The following RALGPS1 variants were observed in gnomAD, a reference collection of about 807,000 sequenced individuals.
The protein encoded by RALGPS1 is Ral GEF with PH domain and SH3 binding motif 1, also known as ras-specific guanine nucleotide-releasing factor RalGPS1.
RALGPS1 carries 19 observed loss-of-function variants against 78.8 expected under a neutral mutation model. The observed-to-expected ratio is 0.24, with a 90% CI of 0.17 to 0.35. RALGPS1 has a LOEUF of 0.35. Among genes scored for constraint, RALGPS1 ranks in the 10% least tolerant of loss-of-function variants. The pLI is 1.00. For missense variants in RALGPS1, 454 were observed against 688.3 expected (o/e 0.66, Z 3.81); for synonymous variants, 228 against 256.3 (o/e 0.89, Z 1.06).
chr9:126,970,539 A>G (rs1271391356), intron 3 of RALGPS1, among the ~76,000 whole-genome samples: 1 of 152,184 alleles, frequency 6.6e-6, no homozygotes, highest in Non-Finnish European at 1.5e-5. Context: ...GATGCTGCGT[A>G]CCTAAGAAAT....
At chr9:126,945,110 G>A (rs1412013774) in intron 1 of RALGPS1, among the ~76,000 whole-genome samples, 1 of 152,092 alleles carries the variant, frequency 6.6e-6, no homozygotes, top group African/African-American at 2.4e-5. Flanking sequence ...GGTATGAGTG[G>A]GCCACTGTAC....
In RALGPS1 at chr9:127,222,967, C is replaced by T. The variant is rs1242407735; in HGVS notation, c.*4198C>T. On this transcript the variant is annotated 3_prime_UTR_variant, in exon 19 of 19. Transcript: ENST00000259351. ...TTTCTCTAATTCTTGTGAATCGTCT[C>T]ACCCGCAGTAACCACTGAACGTCAA... The T allele has an allele frequency of 6.6e-6, 1 of 152,656 alleles. No individual in the cohort carries two copies. Among genetic ancestry groups the T allele is most frequent in the African/African-American group, 2.4e-5 (1 of 41,454 alleles). The allele number at this position is 152,656 out of a possible 1,614,324, so 9.5% of individuals were successfully genotyped here.
intron 11 of RALGPS1, among the ~76,000 whole-genome samples, chr9:127,192,725 A>G (rs2061140976): frequency 6.6e-6 from 1 of 152,210 alleles, no homozygotes; most frequent in Admixed American, 6.5e-5. Flanking sequence ...AATCAAAGAA[A>G]AAACAGGAGC....
intron 8 of RALGPS1, among the ~76,000 whole-genome samples, chr9:127,125,153 G>C (rs1051739093): frequency 3.9e-5 from 6 of 152,206 alleles, no homozygotes; most frequent in Non-Finnish European, 8.8e-5. Context: ...TCACAGGGCT[G>C]TGGGCTGTTG....
chr9:126,940,168 A>G (rs2036625604), intron 1 of RALGPS1, among the ~76,000 whole-genome samples: 1 of 152,152 alleles, frequency 6.6e-6, no homozygotes, highest in African/African-American at 2.4e-5. Flanking sequence ...TACCATGTGC[A>G]AATAGCCTGG....
At chr9:127,100,968 C>G (rs1349495990) in intron 8 of RALGPS1, among the ~76,000 whole-genome samples, 1 of 152,186 alleles carries the variant, frequency 6.6e-6, no homozygotes, top group Non-Finnish European at 1.5e-5. Context: ...GGTATGCATT[C>G]TTTTTCTGAA....
intron 5 of RALGPS1, among the ~76,000 whole-genome samples, chr9:127,043,523 G>A (rs1366983978): frequency 1.3e-5 from 2 of 152,004 alleles, no homozygotes; most frequent in Non-Finnish European, 2.9e-5. Flanking sequence ...AAACGTAGAA[G>A]AAAACCTGTA....
intron 11 of RALGPS1, among the ~76,000 whole-genome samples, chr9:127,179,466 C>T (rs2060082742): frequency 6.6e-6 from 1 of 152,156 alleles, no homozygotes; most frequent in South Asian, 2.1e-4. Flanking sequence ...TCTTGCAGTC[C>T]CGGGAATGGG....
At chr9:127,104,539 A>G (rs2054036678) in intron 8 of RALGPS1, among the ~76,000 whole-genome samples, 1 of 152,252 alleles carries the variant, frequency 6.6e-6, no homozygotes, top group Non-Finnish European at 1.5e-5. Flanking sequence ...GGGTCTGGCC[A>G]GACCTGAGAG....
intron 8 of RALGPS1, among the ~76,000 whole-genome samples, chr9:127,090,003 GA>G (rs2052273098): frequency 6.6e-6 from 1 of 152,242 alleles, no homozygotes. Context: ...GAGGCCGTGG[GA>G]TGAGGTGAGG....
chr9:126,941,130 G>GC (rs11434207), intron 1 of RALGPS1, among the ~76,000 whole-genome samples: 69,579 of 150,144 alleles, frequency 0.46, 16,674 homozygotes, highest in African/African-American at 0.56. Context: ...TCTCATATAC[G>GC]CCCCCCCCCT....
chr9:127,124,645 G>A (rs934578579), intron 8 of RALGPS1, among the ~76,000 whole-genome samples: 6 of 152,244 alleles, frequency 3.9e-5, no homozygotes, highest in Non-Finnish European at 7.3e-5. Context: ...CAGTTGGAGG[G>A]AGCCCTTTAG....
At chr9:127,143,907 C>G (rs1369374769) in intron 8 of RALGPS1, among the ~76,000 whole-genome samples, 3 of 152,170 alleles carry the variant, frequency 2.0e-5, no homozygotes, top group African/African-American at 7.2e-5. Flanking sequence ...GAAGGCAAGC[C>G]CCTTTGCTCT....
At chr9:127,096,843 T>C (rs1289177043) in intron 8 of RALGPS1, among the ~76,000 whole-genome samples, 12 of 152,218 alleles carry the variant, frequency 7.9e-5, no homozygotes, top group Admixed American at 7.2e-4. Context: ...CAGTGTGTAC[T>C]GAGCATTTCC....
At chr9:127,075,579 A>G (rs1245264908) in intron 8 of RALGPS1, among the ~76,000 whole-genome samples, 2 of 152,366 alleles carry the variant, frequency 1.3e-5, no homozygotes, top group Middle Eastern at 3.4e-3. Flanking sequence ...AAAGTACAAC[A>G]TAGGAAAAAA....
chr9:127,141,616 CAAAAAAAAAAAAA>C (rs61291398), intron 8 of RALGPS1, among the ~76,000 whole-genome samples: 7 of 68,672 alleles, frequency 1.0e-4, no homozygotes, highest in Admixed American at 1.9e-4. Flanking sequence ...TTTTTAATGG[CAAAAAAAAAAAAA>C]AAAAAAAAAA....
At chr9:126,998,808 C>T (rs1228248845) in intron 4 of RALGPS1, among the ~76,000 whole-genome samples, 1 of 151,556 alleles carries the variant, frequency 6.6e-6, no homozygotes, top group Non-Finnish European at 1.5e-5. Context: ...GAAAATGTGG[C>T]ACATATACAC....
chr9:127,047,604 C>CAGCTACTA (rs574328975), intron 5 of RALGPS1, among the ~76,000 whole-genome samples: 47 of 151,704 alleles, frequency 3.1e-4, no homozygotes, highest in African/African-American at 1.1e-3. Context: ...GAGGCTGAGG[C>CAGCTACTA]AGGAGAATCG....
Position 127,091,749 on chromosome 9 carries a change from A to G in RALGPS1, c.610+22393A>G, listed in dbSNP as rs775851238. ...ATGTAAAGGAGTCACCCGCATTGCC[A>G]TGGTAGCGCCCCAGCCGCAGCTTAT... On this transcript the variant is annotated intron_variant, in intron 8 of 18. Coordinates refer to ENST00000259351, the MANE Select transcript of RALGPS1 (RefSeq NM_014636.3). The surrounding 1 kb of genome is among the most constrained non-coding windows in gnomAD (Gnocchi z 4.3). The G allele has an allele frequency of 3.1e-6, 5 of 1,614,094 alleles. No homozygotes were observed. In the South Asian group the frequency reaches 4.4e-5, roughly 14 times the overall value.
Sources: allele counts gnomAD v4.1 joint callset (sites outside exome capture counted in the v4.1 genomes callset), GRCh38; gene constraint gnomAD v4.1.1; non-coding constraint Gnocchi (gnomAD v3.1); transcripts MANE v1.5; gene names NCBI Gene and HGNC (gene_info 2026-07-23, HGNC 2026-07-21).